The following GATA4 variants were observed in gnomAD, a reference collection of about 807,000 sequenced individuals.
GATA4 encodes the protein GATA binding protein 4.
A neutral mutation model predicts 37.9 loss-of-function variants in GATA4; 7 were observed. That is an observed-to-expected ratio of 0.18 (90% confidence interval 0.11 to 0.35). GATA4 has a LOEUF of 0.35. Among genes scored for constraint, GATA4 ranks in the 10% least tolerant of loss-of-function variants. GATA4 has a pLI of 1.00. For synonymous variants in GATA4, 372 were observed against 292.6 expected, an observed-to-expected ratio of 1.27 and a Z score of -2.77; for missense variants, 647 against 653.0, an observed-to-expected ratio of 0.99 and a Z score of 0.10.
Position 11,758,708 on chromosome 8 carries a change from C to G in GATA4, c.*233C>G, listed in dbSNP as rs770477079. ...GGGAGCCCACCCTTCAGCACGAGCA[C>G]ACTGCATCTCTCCTGTGAGTTGGAG... On this transcript the variant is annotated 3_prime_UTR_variant, in exon 7 of 7. Transcript: ENST00000532059. The G allele has an allele frequency of 2.6e-5, 15 of 578,916 alleles. No homozygotes were observed. The highest frequency in any genetic ancestry group is 4.0e-5 in the Non-Finnish European group (13 of 322,176). The allele number at this position is 578,916 out of a possible 1,614,324, so 35.9% of individuals were successfully genotyped here.
At chr8:11,734,618 C>T (rs1377258572) in intron 2 of GATA4, among the ~76,000 whole-genome samples, 3 of 152,208 alleles carry the variant, frequency 2.0e-5, no homozygotes, top group Admixed American at 6.5e-5. Context: ...TCCTGAGTTG[C>T]TGGGATTACA....
At chr8:11,736,235 C>A (rs1192261687) in intron 2 of GATA4, among the ~76,000 whole-genome samples, 1 of 152,100 alleles carries the variant, frequency 6.6e-6, no homozygotes, top group African/African-American at 2.4e-5. Flanking sequence ...TTAAAAATTG[C>A]GTAATTTAAA....
At chr8:11,714,475 T>C (rs1800349231) in intron 2 of GATA4, among the ~76,000 whole-genome samples, 1 of 152,228 alleles carries the variant, frequency 6.6e-6, no homozygotes, top group Non-Finnish European at 1.5e-5. Context: ...CAGGGAACTT[T>C]GTGAGACTGG....
chr8:11,748,856 C>T, intron 2 of GATA4, 60 bp from the exon 3 acceptor site: 1 of 1,577,942 alleles, frequency 6.3e-7, no homozygotes, highest in East Asian at 2.2e-5. Context: ...GATGTGAGAG[C>T]TGGGCATAAA....
chr8:11,679,529 A>G (rs1798886729), intron 1 of GATA4, among the ~76,000 whole-genome samples: 2 of 152,232 alleles, frequency 1.3e-5, no homozygotes. Context: ...CGGAATGAAA[A>G]GGAACCCCGA....
chr8:11,730,492 T>G (rs1314256435), intron 2 of GATA4, among the ~76,000 whole-genome samples: 2 of 151,578 alleles, frequency 1.3e-5, no homozygotes, highest in African/African-American at 4.9e-5. Context: ...ATCTGAAGAG[T>G]GATTATTTGT....
At chr8:11,706,279 G>A (rs1799884873) in intron 1 of GATA4, among the ~76,000 whole-genome samples, 1 of 152,148 alleles carries the variant, frequency 6.6e-6, no homozygotes, top group South Asian at 2.1e-4. Context: ...GCATTATGTA[G>A]TGTGTATTAA....
intron 2 of GATA4, among the ~76,000 whole-genome samples, chr8:11,742,894 C>T (rs2130274732): frequency 6.6e-6 from 1 of 152,354 alleles, no homozygotes; most frequent in South Asian, 2.1e-4. Context: ...TTGGGTGGGG[C>T]TGAGACTTTG....
intron 2 of GATA4, among the ~76,000 whole-genome samples, chr8:11,728,592 A>C (rs1801056757): frequency 6.6e-6 from 1 of 151,792 alleles, no homozygotes; most frequent in Non-Finnish European, 1.5e-5. Flanking sequence ...TCTGTTGCCC[A>C]GGCTGGAGTA....
intron 2 of GATA4, among the ~76,000 whole-genome samples, chr8:11,719,662 A>T (rs1800584404): frequency 6.6e-6 from 1 of 152,202 alleles, no homozygotes; most frequent in African/African-American, 2.4e-5. Flanking sequence ...TCCTACATAC[A>T]CAGGTATGTG....
chr8:11,755,389 C>A (rs1167075809), intron 5 of GATA4, among the ~76,000 whole-genome samples: 1 of 152,224 alleles, frequency 6.6e-6, no homozygotes, highest in African/African-American at 2.4e-5. Flanking sequence ...AGACCCAGTG[C>A]TCAGGCTGGA....
chr8:11,681,467 G>C, intron 1 of GATA4: 1 of 970,546 alleles, frequency 1.0e-6, no homozygotes, highest in South Asian at 4.9e-5. Flanking sequence ...CCGGGGCCCG[G>C]TCCCCGCGCG....
intron 1 of GATA4, chr8:11,683,215 T>A (rs11784455): frequency 0.61 from 510,759 of 841,310 alleles, 158,735 homozygotes; most frequent in Non-Finnish European, 0.64. Context: ...TCAGCATTTA[T>A]CCGGAGCGGG....
intron 2 of GATA4, among the ~76,000 whole-genome samples, chr8:11,738,006 C>T (rs1334643189): frequency 6.6e-6 from 1 of 151,916 alleles, no homozygotes; most frequent in Non-Finnish European, 1.5e-5. Context: ...CATGGTGAAA[C>T]CCTGTCTCTG....
chr8:11,693,562 C>CACAGAGAGAGAGAGAGAGAGAGAG (rs1405047773), intron 1 of GATA4, among the ~76,000 whole-genome samples: 22 of 72,226 alleles, frequency 3.0e-4, no homozygotes, highest in African/African-American at 9.6e-4. Context: ...CACACACACA[C>CACAGAGAGAGAGAGAGAGAGAGAG]AGAGAGAGAG....
At chr8:11,702,673 G>A (rs867085137), upstream of GATA4, among the ~76,000 whole-genome samples, 2 of 151,690 alleles carry the variant, frequency 1.3e-5, no homozygotes, top group South Asian at 4.2e-4. This position sits in a 1 kb window ranked among gnomAD's most constrained non-coding sequence, Gnocchi z 4.4. Flanking sequence ...TAGCAGGCTA[G>A]GAATTGGGGG....
intron 2 of GATA4, among the ~76,000 whole-genome samples, chr8:11,721,764 C>G (rs1800688715): frequency 6.6e-6 from 1 of 152,136 alleles, no homozygotes; most frequent in Non-Finnish European, 1.5e-5. Context: ...TAATTCTGCC[C>G]TCTTCTTGTA....
At chr8:11,726,964 G>A (rs1800955898) in intron 2 of GATA4, among the ~76,000 whole-genome samples, 1 of 152,088 alleles carries the variant, frequency 6.6e-6, no homozygotes, top group African/African-American at 2.4e-5. Context: ...GGGTGCCTCA[G>A]CCCACTGTTT....
At chr8:11,705,215 G>T (rs1024861342) in intron 1 of GATA4, among the ~76,000 whole-genome samples, 7 of 152,254 alleles carry the variant, frequency 4.6e-5, no homozygotes, top group African/African-American at 1.7e-4. Flanking sequence ...CCTCGGGGAA[G>T]TGTTTCCTGT....
Sources: gnomAD v4.1 joint callset for allele counts (sites outside exome capture counted in the v4.1 genomes callset) on GRCh38, gnomAD v4.1.1 for gene constraint, Gnocchi (gnomAD v3.1) non-coding constraint, MANE v1.5 for transcripts, NCBI Gene and HGNC (gene_info 2026-07-23, HGNC 2026-07-21) for gene names.